The following CAST variants were observed in gnomAD, a reference collection of about 807,000 sequenced individuals.
CAST encodes the protein MIR583 host.
Under a neutral mutation model 119.6 loss-of-function variants are expected in CAST, and 76 were observed. The ratio of observed to expected loss-of-function variants is 0.64; its 90% confidence interval spans 0.53 to 0.77. CAST has a LOEUF of 0.77. Ranked by LOEUF, CAST falls within the 30% of genes least tolerant of loss-of-function variation. The probability of loss-of-function intolerance (pLI) is 0.00; values close to 1 mark genes in which losing one functional copy is unlikely to be tolerated. For synonymous variants in CAST, 319 were observed against 331.6 expected, an observed-to-expected ratio of 0.96 and a Z score of 0.41; for missense variants, 953 against 946.5, an observed-to-expected ratio of 1.01 and a Z score of -0.09.
At chr5:96,385,605 G>T in the CAST span, among the ~76,000 whole-genome samples, 1 of 152,154 alleles carries the variant, frequency 6.6e-6, no homozygotes, top group Non-Finnish European at 1.5e-5. Flanking sequence ...GAAAGTGTAT[G>T]CTTAATGCAA....
At chr5:96,770,277 G>A (rs967942832) in intron 29 of CAST, 8 of 459,252 alleles carry the variant, frequency 1.7e-5, no homozygotes, top group Middle Eastern at 6.1e-4. Flanking sequence ...AGGTCTGGGT[G>A]AGTCAGGCAC....
the CAST span, among the ~76,000 whole-genome samples, chr5:96,169,983 A>C: frequency 6.6e-6 from 1 of 152,204 alleles, no homozygotes; most frequent in African/African-American, 2.4e-5. Flanking sequence ...TACCCACAAC[A>C]GTTATGGAGG....
chr5:95,979,816 A>G, the CAST span, among the ~76,000 whole-genome samples: 1 of 152,094 alleles, frequency 6.6e-6, no homozygotes, highest in African/African-American at 2.4e-5. Context: ...AGGAATTTTA[A>G]TTTTTAAAAG....
At chr5:96,316,502 G>C in the CAST span, among the ~76,000 whole-genome samples, 2 of 152,336 alleles carry the variant, frequency 1.3e-5, no homozygotes, top group South Asian at 4.1e-4. Flanking sequence ...TAGATGCAGA[G>C]AATGTTACCA....
chr5:96,183,209 A>C, the CAST span, among the ~76,000 whole-genome samples: 6 of 149,026 alleles, frequency 4.0e-5, no homozygotes, highest in South Asian at 1.0e-3. Context: ...AATGTTTCTG[A>C]ATGTGCAATG....
At chr5:96,675,845 G>T in intron 2 of CAST, 1 of 390,690 alleles carries the variant, frequency 2.6e-6, no homozygotes, top group Non-Finnish European at 4.5e-6. Flanking sequence ...TGTTGCTTAG[G>T]GTGTTTTCCC....
chr5:96,656,066 T>C (rs1748153975), intron 1 of CAST, among the ~76,000 whole-genome samples: 2 of 152,276 alleles, frequency 1.3e-5, no homozygotes, highest in South Asian at 4.1e-4. Context: ...ATAGTTCACA[T>C]TATTCATTGT....
chr5:96,534,747 A>G (rs377062689), intron 1 of CAST, among the ~76,000 whole-genome samples: 9,286 of 27,716 alleles, frequency 0.34, 1,392 homozygotes, highest in Non-Finnish European at 0.36. Context: ...GAGAGAAAGA[A>G]AGAAAGAAAG....
At chr5:96,716,052 T>G (rs928343157) in intron 3 of CAST, among the ~76,000 whole-genome samples, 1 of 152,264 alleles carries the variant, frequency 6.6e-6, no homozygotes, top group Non-Finnish European at 1.5e-5. Context: ...ATTGTAAGAA[T>G]GTATGTCATG....
At chr5:96,576,015 G>A (rs1273589964) in intron 1 of CAST, among the ~76,000 whole-genome samples, 3 of 152,178 alleles carry the variant, frequency 2.0e-5, no homozygotes, top group African/African-American at 7.2e-5. Flanking sequence ...TGATTATACT[G>A]ATTGATTTGG....
the CAST span, among the ~76,000 whole-genome samples, chr5:96,452,448 T>C: frequency 1.3e-5 from 2 of 151,780 alleles, no homozygotes; most frequent in African/African-American, 4.8e-5. Flanking sequence ...ACAATGAGAA[T>C]ACATGGACAC....
At chr5:95,989,326 T>A in the CAST span, among the ~76,000 whole-genome samples, 2 of 152,326 alleles carry the variant, frequency 1.3e-5, no homozygotes, top group Middle Eastern at 3.4e-3. Flanking sequence ...TTTGGGTTTT[T>A]AATTATTTAG....
At chr5:96,125,908 C>T in the CAST span, among the ~76,000 whole-genome samples, 2 of 152,060 alleles carry the variant, frequency 1.3e-5, no homozygotes, top group Non-Finnish European at 2.9e-5. Flanking sequence ...AGGGTTTTGA[C>T]ATTGCTTACT....
At chr5:96,199,846 C>G in the CAST span, among the ~76,000 whole-genome samples, 1 of 152,060 alleles carries the variant, frequency 6.6e-6, no homozygotes, top group South Asian at 2.1e-4. Context: ...AAATATTTTT[C>G]TCTCTCAGCT....
intron 22 of CAST, chr5:96,755,017 T>C (rs1221972511): frequency 1.3e-5 from 3 of 225,976 alleles, no homozygotes; most frequent in Non-Finnish European, 2.6e-5. Context: ...ACCAGAAATA[T>C]TAAAAAACCT....
At chr5:96,376,243 C>G in the CAST span, among the ~76,000 whole-genome samples, 1 of 151,690 alleles carries the variant, frequency 6.6e-6, no homozygotes, top group Non-Finnish European at 1.5e-5. Context: ...AATGTTGTAG[C>G]CATCCTAATA....
At chr5:96,579,001 T>C (rs887681615) in intron 1 of CAST, among the ~76,000 whole-genome samples, 1 of 152,216 alleles carries the variant, frequency 6.6e-6, no homozygotes, top group Admixed American at 6.5e-5. Flanking sequence ...CCAGTATTGC[T>C]TGAAGAAAGT....
chr5:96,220,208 C>T, the CAST span, among the ~76,000 whole-genome samples: 7 of 152,290 alleles, frequency 4.6e-5, no homozygotes, highest in Non-Finnish European at 1.0e-4. Flanking sequence ...TAAGAGGAGT[C>T]TCTACTCTCT....
At chr5:96,576,891 T>A (rs563149598) in intron 1 of CAST, among the ~76,000 whole-genome samples, 63 of 152,106 alleles carry the variant, frequency 4.1e-4, no homozygotes, top group Non-Finnish European at 8.4e-4. Flanking sequence ...CATAGGTAAA[T>A]GTGTGCCATG....
Sources: gnomAD v4.1 joint callset for allele counts (sites outside exome capture counted in the v4.1 genomes callset) on GRCh38, gnomAD v4.1.1 for gene constraint, MANE v1.5 for transcripts, NCBI Gene and HGNC (gene_info 2026-07-23, HGNC 2026-07-21) for gene names.